The following GTF2I variants were observed in gnomAD, a reference collection of about 807,000 sequenced individuals.
The protein encoded by GTF2I is general transcription factor II-I.
Under a neutral mutation model 67.6 loss-of-function variants are expected in GTF2I, and 12 were observed. The observed-to-expected ratio is 0.18, with a 90% confidence interval of 0.11 to 0.29. GTF2I has a LOEUF of 0.29. Among genes scored for constraint, GTF2I ranks in the 10% least tolerant of loss-of-function variants. GTF2I has a pLI of 1.00. For synonymous variants in GTF2I, 149 were observed against 197.0 expected, an observed-to-expected ratio of 0.76 and a Z score of 2.04; for missense variants, 271 against 580.1, an observed-to-expected ratio of 0.47 and a Z score of 5.47.
At chr7:74,663,790 G>A (rs1804723245) in intron 1 of GTF2I, among the ~76,000 whole-genome samples, 1 of 152,082 alleles carries the variant, frequency 6.6e-6, no homozygotes, top group East Asian at 1.9e-4. Context: ...AAACGCCTTA[G>A]TGTCTTAGAA....
chr7:74,676,062 G>A (rs995508686), intron 1 of GTF2I, among the ~76,000 whole-genome samples: 2 of 152,002 alleles, frequency 1.3e-5, no homozygotes, highest in Admixed American at 6.6e-5. Context: ...ATGGGGAATT[G>A]AGGACATCTA....
chr7:74,717,025 T>C, intron 11 of GTF2I, 75 bp downstream of exon 11: 1 of 1,512,594 alleles, frequency 6.6e-7, no homozygotes, highest in Non-Finnish European at 9.0e-7. Context: ...TCTATTATCC[T>C]TAAAACACCT....
intron 1 of GTF2I, among the ~76,000 whole-genome samples, chr7:74,665,721 T>G (rs587626101): frequency 1.3e-5 from 2 of 152,340 alleles, no homozygotes; most frequent in South Asian, 4.1e-4. Flanking sequence ...AAGCGAAAAT[T>G]TTACTAGTAA....
At chr7:74,669,230 T>G (rs1262952669) in intron 1 of GTF2I, among the ~76,000 whole-genome samples, 2 of 142,756 alleles carry the variant, frequency 1.4e-5, no homozygotes, top group African/African-American at 2.6e-5. Flanking sequence ...TTTAGTTTTT[T>G]TTTTTTTTTT....
chr7:74,716,648 A>T (rs1554403685), intron 10 of GTF2I: 1 of 379,334 alleles, frequency 2.6e-6, no homozygotes, highest in Admixed American at 4.0e-5. Context: ...CTAATATTAA[A>T]TCCCCAAACC....
rs1336012726 is a variant in GTF2I at position 74,697,946 on chromosome 7, T to TTTG, written c.239-1013_239-1012insGTT. 4.8e-4 allele frequency among the ~76,000 whole-genome samples: 71 copies of TTTG among 147,826 alleles called. 2 individuals are homozygous for TTTG. Among genetic ancestry groups the TTTG allele is most frequent in the African/African-American group, 1.3e-3 (53 of 40,936 alleles). On this transcript the variant is annotated intron_variant, in intron 3 of 34. Transcript: ENST00000573035. The stretch of plus-strand genomic sequence containing the variant: ...ACCATGCCCAGCTAATTTTTGTATT[T>TTTG]TTTGTTTGTTTGTTTGTTTGTTTGT...
intron 8 of GTF2I, among the ~76,000 whole-genome samples, chr7:74,707,520 C>T (rs1790899090): frequency 6.6e-6 from 1 of 152,178 alleles, no homozygotes; most frequent in African/African-American, 2.4e-5. Flanking sequence ...TGTGTGCGTG[C>T]ATGTGAATGA....
At chr7:74,694,379 G>C (rs1554397878) in intron 3 of GTF2I, among the ~76,000 whole-genome samples, 1 of 152,208 alleles carries the variant, frequency 6.6e-6, no homozygotes, top group African/African-American at 2.4e-5. Flanking sequence ...CTGAGCTCAG[G>C]AGTTCAAGAC....
intron 7 of GTF2I, among the ~76,000 whole-genome samples, chr7:74,705,518 G>C (rs1376712506): frequency 6.6e-6 from 1 of 151,346 alleles, no homozygotes; most frequent in African/African-American, 2.4e-5. Flanking sequence ...CCAAAAGATA[G>C]ATAGAAATTA....
At chr7:74,718,791 C>T in intron 11 of GTF2I, 88 bp from the exon 12 acceptor site, 1 of 654,232 alleles carries the variant, frequency 1.5e-6, no homozygotes, top group Non-Finnish European at 2.6e-6. Context: ...TAGTAGGCTG[C>T]TTTTGGAGTA....
chr7:74,679,630 T>C (rs958967659), intron 1 of GTF2I, among the ~76,000 whole-genome samples: 1 of 152,098 alleles, frequency 6.6e-6, no homozygotes, highest in South Asian at 2.1e-4. Flanking sequence ...TTGATTGTTA[T>C]TATGCATTAA....
chr7:74,721,486 A>G (rs1466528810), intron 12 of GTF2I, among the ~76,000 whole-genome samples: 2 of 152,160 alleles, frequency 1.3e-5, no homozygotes, highest in Non-Finnish European at 2.9e-5. Flanking sequence ...ATCCTTTTAA[A>G]AGGTAGCATT....
At chr7:74,692,472 C>T (rs1554397302) in intron 3 of GTF2I, among the ~76,000 whole-genome samples, 2 of 152,310 alleles carry the variant, frequency 1.3e-5, no homozygotes, top group South Asian at 2.1e-4. Context: ...TCCTCCACTC[C>T]CTCACAGATA....
chr7:74,708,265 T>C (rs1791039758), intron 8 of GTF2I, among the ~76,000 whole-genome samples: 1 of 152,190 alleles, frequency 6.6e-6, no homozygotes, highest in African/African-American at 2.4e-5. Context: ...ATCGTGCCAT[T>C]GCACTCCAGC....
chr7:74,662,150 C>A (rs988557154), intron 1 of GTF2I, among the ~76,000 whole-genome samples: 1 of 141,298 alleles, frequency 7.1e-6, no homozygotes, highest in Middle Eastern at 3.5e-3. Context: ...GTTCTTTTTG[C>A]GGGACGGGGT....
intron 1 of GTF2I, among the ~76,000 whole-genome samples, chr7:74,679,065 C>T (rs1554393310): frequency 2.1e-5 from 3 of 145,928 alleles, no homozygotes; most frequent in African/African-American, 7.7e-5. Context: ...CCACCGCGCC[C>T]AGCTATATTT....
At chr7:74,683,663 C>T (rs1441269725) in intron 1 of GTF2I, among the ~76,000 whole-genome samples, 2 of 152,042 alleles carry the variant, frequency 1.3e-5, no homozygotes, top group African/African-American at 2.4e-5. Flanking sequence ...GACCAGCCTG[C>T]CCAATGTGGT....
chr7:74,719,611 G>A (rs1208382044), intron 12 of GTF2I, among the ~76,000 whole-genome samples: 2 of 152,082 alleles, frequency 1.3e-5, no homozygotes, highest in Admixed American at 6.6e-5. Flanking sequence ...TGAGCATTGC[G>A]TTTTTCCTTT....
intron 12 of GTF2I, among the ~76,000 whole-genome samples, chr7:74,722,148 T>C (rs975149113): frequency 1.3e-5 from 2 of 152,250 alleles, no homozygotes; most frequent in Non-Finnish European, 2.9e-5. Context: ...TGTGGAGTTC[T>C]GAAGTGGCTA....
Sources: gnomAD v4.1 joint callset for allele counts (sites outside exome capture counted in the v4.1 genomes callset) on GRCh38, gnomAD v4.1.1 for gene constraint, MANE v1.5 for transcripts, NCBI Gene and HGNC (gene_info 2026-07-23, HGNC 2026-07-21) for gene names.